STAMBPL1: variants seen among roughly 807,000 people sequenced by gnomAD.
STAMBPL1 encodes the protein STAM binding protein like 1, also known as AMSH-like protease.
Under a neutral mutation model 52.9 loss-of-function variants are expected in STAMBPL1, and 44 were observed. That is an observed-to-expected ratio of 0.83 (90% CI 0.65 to 1.07). The LOEUF is 1.07. Among genes scored for constraint, STAMBPL1 ranks in the 50% least tolerant of loss-of-function variants. The pLI is 0.00. For missense variants in STAMBPL1, 511 were observed against 520.8 expected (o/e 0.98, Z 0.18); for synonymous variants, 164 against 177.3 (o/e 0.92, Z 0.60).
intron 1 of STAMBPL1, among the ~76,000 whole-genome samples, chr10:88,893,411 A>G (rs1844735187): frequency 6.6e-6 from 1 of 152,230 alleles, no homozygotes; most frequent in Non-Finnish European, 1.5e-5. Flanking sequence ...TATACCATGT[A>G]GTCAGTCCAC....
intron 3 of STAMBPL1, among the ~76,000 whole-genome samples, chr10:88,908,431 A>T (rs2133183696): frequency 6.6e-6 from 1 of 152,324 alleles, no homozygotes; most frequent in South Asian, 2.1e-4. Context: ...AGCATGCAGT[A>T]CCTGAGAAAG....
intron 1 of STAMBPL1, among the ~76,000 whole-genome samples, chr10:88,888,540 C>T (rs573493659): frequency 4.1e-4 from 63 of 152,308 alleles, no homozygotes; most frequent in African/African-American, 1.5e-3. Context: ...TCCTAAAGGT[C>T]TATAGCTTTT....
At chr10:88,911,844 A>T (rs927106203) in intron 5 of STAMBPL1, among the ~76,000 whole-genome samples, 1 of 152,226 alleles carries the variant, frequency 6.6e-6, no homozygotes, top group Admixed American at 6.5e-5. Flanking sequence ...TATATTAATA[A>T]TGTGACTTGA....
chr10:88,897,338 G>A (rs1332854350), intron 1 of STAMBPL1, among the ~76,000 whole-genome samples: 1 of 152,092 alleles, frequency 6.6e-6, no homozygotes, highest in East Asian at 1.9e-4. Flanking sequence ...CCACATTCTT[G>A]TGAGTCGGAT....
chr10:88,881,753 C>G (rs974282862), intron 1 of STAMBPL1, among the ~76,000 whole-genome samples: 1 of 152,150 alleles, frequency 6.6e-6, no homozygotes, highest in African/African-American at 2.4e-5. Context: ...TTGTTTTTAT[C>G]CCGACCTTGT....
chr10:88,885,123 G>T (rs2133115180), intron 1 of STAMBPL1, among the ~76,000 whole-genome samples: 1 of 152,294 alleles, frequency 6.6e-6, no homozygotes, highest in South Asian at 2.1e-4. Context: ...CAGCATCATA[G>T]GCTGGTAAAT....
At chr10:88,905,385 C>T (rs1845045820) in intron 2 of STAMBPL1, 58 bp from the exon 3 acceptor site, 2 of 1,336,092 alleles carry the variant, frequency 1.5e-6, no homozygotes, top group African/African-American at 2.9e-5. Context: ...TAATATTAGT[C>T]ATATCCTTTT....
chr10:88,884,782 GC>G (rs1207612455), intron 1 of STAMBPL1, among the ~76,000 whole-genome samples: 1 of 152,190 alleles, frequency 6.6e-6, no homozygotes, highest in East Asian at 1.9e-4. Flanking sequence ...ACTGTACTAA[GC>G]CTTAACACAA....
At chr10:88,904,038 G>A (rs567064953) in intron 2 of STAMBPL1, among the ~76,000 whole-genome samples, 17 of 152,246 alleles carry the variant, frequency 1.1e-4, no homozygotes, top group Admixed American at 8.5e-4. Flanking sequence ...AGGTTGGCTC[G>A]GTAATTCATG....
intron 1 of STAMBPL1, among the ~76,000 whole-genome samples, chr10:88,884,422 G>A (rs1168908462): frequency 6.6e-6 from 1 of 152,198 alleles, no homozygotes; most frequent in Non-Finnish European, 1.5e-5. Flanking sequence ...GAGCAAGTGA[G>A]GAAAGCATGT....
chr10:88,921,194 T>TAA (rs139970435), intron 8 of STAMBPL1, 89 bp from the exon 9 acceptor site: 1,265 of 988,748 alleles, frequency 1.3e-3, no homozygotes, highest in Non-Finnish European at 1.6e-3. Context: ...TGGTAAAAAC[T>TAA]AAAAAAAAAC....
chr10:88,922,750 A>G (rs1213547002), intron 10 of STAMBPL1, among the ~76,000 whole-genome samples: 2 of 152,166 alleles, frequency 1.3e-5, no homozygotes, highest in Admixed American at 6.6e-5. Context: ...ATCATAGAAA[A>G]TGACATTTAA....
chr10:88,910,477 CT>C (rs1422152877), intron 4 of STAMBPL1, among the ~76,000 whole-genome samples: 1 of 152,132 alleles, frequency 6.6e-6, no homozygotes, highest in Non-Finnish European at 1.5e-5. Context: ...AGTGCCTCAG[CT>C]ATTCTTTTTA....
At chr10:88,897,009 A>G (rs370104532) in intron 1 of STAMBPL1, among the ~76,000 whole-genome samples, 28 of 152,326 alleles carry the variant, frequency 1.8e-4, no homozygotes, top group African/African-American at 3.4e-4. Flanking sequence ...AAAGGGCAGA[A>G]TTGTTGAGAC....
chr10:88,897,556 AC>A (rs1297242964), intron 1 of STAMBPL1, among the ~76,000 whole-genome samples: 2 of 152,202 alleles, frequency 1.3e-5, no homozygotes, highest in East Asian at 3.9e-4. Flanking sequence ...TTATCAAGCC[AC>A]AAGAATGTGA....
At chr10:88,916,644 G>C in intron 7 of STAMBPL1, 36 bp from the exon 8 acceptor site, 1 of 1,498,100 alleles carries the variant, frequency 6.7e-7, no homozygotes, top group African/African-American at 1.5e-5. Context: ...TTTTTTCTGT[G>C]AGATGCATGT....
intron 1 of STAMBPL1, among the ~76,000 whole-genome samples, chr10:88,887,632 G>C (rs1364585036): frequency 6.6e-6 from 1 of 152,164 alleles, no homozygotes; most frequent in African/African-American, 2.4e-5. Flanking sequence ...GGGTTCAAGC[G>C]ATTAGCCTTC....
At chr10:88,914,346 A>G (rs977591082) in intron 6 of STAMBPL1, among the ~76,000 whole-genome samples, 188 bp from the exon 7 acceptor site, 1 of 152,198 alleles carries the variant, frequency 6.6e-6, no homozygotes, top group Non-Finnish European at 1.5e-5. Context: ...TAATTTATAT[A>G]CATAATTTAA....
At position 88,887,399 on chromosome 10, in the gene STAMBPL1, A is replaced by G. The variant is rs1431547341; in HGVS notation, c.-54+6761A>G. Among the ~76,000 whole-genome samples, 5 of 152,182 alleles carry G rather than the reference A, an allele frequency of 3.3e-5. No individual in the cohort carries two copies. The East Asian group carries it at 7.7e-4, about 23-fold the overall frequency. ...CACACGTAGTTATTTTTCTTTCGTC[A>G]AGTATAATATTACTGAATAACTTAG... On this transcript the variant is annotated intron_variant, in intron 1 of 10. Coordinates refer to ENST00000371926, the MANE Select transcript of STAMBPL1 (RefSeq NM_020799.4).
Sources: gnomAD v4.1 joint callset for allele counts (sites outside exome capture counted in the v4.1 genomes callset) on GRCh38, gnomAD v4.1.1 for gene constraint, MANE v1.5 for transcripts, NCBI Gene and HGNC (gene_info 2026-07-23, HGNC 2026-07-21) for gene names.